The following ZNF718 variants were observed in gnomAD, a reference collection of about 807,000 sequenced individuals.
ZNF718 encodes zinc finger protein 718.
A neutral mutation model predicts 2.6 loss-of-function variants in ZNF718; 3 were observed. The ratio of observed to expected loss-of-function variants is 1.16; its 90% CI spans 0.53 to 3.01. The LOEUF is 3.01. ZNF718 is among the 30% of genes most tolerant of loss of function. ZNF718 has a pLI of 0.03. For missense variants in ZNF718, 468 were observed against 230.0 expected, an observed-to-expected ratio of 2.03 and a Z score of -6.69; for synonymous variants, 135 against 77.9, an observed-to-expected ratio of 1.73 and a Z score of -3.86.
At chr4:199,349 C>T (rs111465660) in intron 3 of ZNF718, among the ~76,000 whole-genome samples, 200 of 152,346 alleles carry the variant, frequency 1.3e-3, no homozygotes, top group African/African-American at 4.4e-3. Context: ...ATCTGTGCAG[C>T]ATGTGAATGA....
At chr4:201,650 A>G in exon 5 of ZNF718, 1 of 178,328 alleles carries the variant, frequency 5.6e-6, no homozygotes, top group East Asian at 1.3e-4. Context: ...AGCAACATTG[A>G]ATGCTTTATC....
chr4:161,486 C>G lies in ZNF718; in HGVS notation c.801C>G (p.Ser267=). 1.3e-6 allele frequency: 1 copy of G among 776,636 alleles called. No individual in the cohort carries two copies. The allele number at this position is 776,636 out of a possible 1,614,324, so 48.1% of individuals were successfully genotyped here. Residue 267 remains serine, a synonymous_variant, in exon 4 of 4, where the codon TCC becomes TCG. Transcript: ENST00000510175. ...CEKCGKAFNQ[S]STLNLHKRIH... ...AATGTGGTAAAGCTTTTAACCAATC[C>G]TCAACCCTTAATTTACATAAGAGAA...
intron 3 of ZNF718, among the ~76,000 whole-genome samples, chr4:186,673 A>T (rs1259322231): frequency 6.6e-6 from 1 of 151,960 alleles, no homozygotes; most frequent in Non-Finnish European, 1.5e-5. Flanking sequence ...AAGCTCTGTG[A>T]TGTTTTTCCT....
intron 3 of ZNF718, among the ~76,000 whole-genome samples, chr4:133,895 CAGGT>C (rs1464142074): frequency 1.3e-5 from 2 of 152,208 alleles, no homozygotes; most frequent in Admixed American, 1.3e-4. Flanking sequence ...TCTATTACCT[CAGGT>C]AGATAACCAG....
At chr4:142,290 A>C (rs782495925) in intron 3 of ZNF718, among the ~76,000 whole-genome samples, 1 of 152,232 alleles carries the variant, frequency 6.6e-6, no homozygotes, top group Non-Finnish European at 1.5e-5. Context: ...ACAAACATTA[A>C]AAGTAGAAAA....
In ZNF718 at chr4:130,806, G is replaced by T; in HGVS notation, c.22G>T (p.Asp8Tyr). The T allele has an allele frequency of 2.6e-6, 1 of 390,796 alleles. No individual in the cohort carries two copies. Among genetic ancestry groups the T allele is most frequent in the South Asian group, 3.9e-5 (1 of 25,972 alleles). 24.2% of individuals were successfully genotyped at this position (390,796 alleles called of 1,614,324 possible). ...TTTTCAGGAACTCTTAACATTCAAG[G>T]ATGTGGCCATAGAATTCTCTCCAGA... MELLTFK[D>Y]VAIEFSPEEW... The change falls in exon 2 of 4, where the codon GAT (aspartate) becomes TAT (tyrosine). Residue 8 changes from aspartate (D) to tyrosine (Y), a missense_variant. Coordinates refer to ENST00000510175, the MANE Select transcript of ZNF718 (RefSeq NM_001039127.6).
intron 3 of ZNF718, among the ~76,000 whole-genome samples, chr4:154,427 A>G (rs1373121430): frequency 1.3e-5 from 2 of 152,076 alleles, no homozygotes; most frequent in Non-Finnish European, 2.9e-5. Context: ...CTTCCTGGAG[A>G]TGTGTTGTAT....
chr4:163,975 TATTC>T lies in ZNF718; in HGVS notation c.*1856_*1859del, dbSNP rs1717023230. 1 of 152,080 alleles carries T rather than the reference TATTC, an allele frequency of 6.6e-6. No homozygotes were observed. The highest frequency in any genetic ancestry group is 2.1e-4 in the South Asian group (1 of 4,832). The allele number at this position is 152,080 out of a possible 1,614,324, so 9.4% of individuals were successfully genotyped here. On this transcript the variant is annotated 3_prime_UTR_variant, in exon 4 of 4. Coordinates refer to ENST00000510175, the MANE Select transcript of ZNF718 (RefSeq NM_001039127.6). The stretch of plus-strand genomic sequence containing the variant: ...TGTAATCACATCAGAGTAAATGAGT[TATTC>T]ATCACCTCAAGCATTTATCCTTTGT...
chr4:195,446 G>T (rs1717772713), intron 3 of ZNF718, among the ~76,000 whole-genome samples: 1 of 152,192 alleles, frequency 6.6e-6, no homozygotes, highest in Non-Finnish European at 1.5e-5. Flanking sequence ...TCGGACCTTT[G>T]TATGGTAATT....
chr4:159,314 G>C (rs1553814430), intron 3 of ZNF718, among the ~76,000 whole-genome samples: 6 of 152,004 alleles, frequency 3.9e-5, no homozygotes, highest in Non-Finnish European at 1.5e-5. Context: ...GGGATTACAG[G>C]TCTGAGCCAC....
intron 3 of ZNF718, among the ~76,000 whole-genome samples, chr4:180,588 A>G (rs568278965): frequency 7.9e-5 from 12 of 152,358 alleles, no homozygotes; most frequent in Non-Finnish European, 1.8e-4. Context: ...GTATTCATTC[A>G]TTTACCAAGA....
Position 130,829 on chromosome 4 carries a change from A to G in ZNF718, c.45A>G (p.Pro15=). Residue 15 remains proline (P), a synonymous_variant, in exon 2 of 4, where the codon CCA becomes CCG. Coordinates refer to ENST00000510175, the MANE Select transcript of ZNF718 (RefSeq NM_001039127.6). The part of the protein sequence containing the change: ...TFKDVAIEFS[P]EEWKCLDTSQ... ...AGGATGTGGCCATAGAATTCTCTCC[A>G]GAAGAGTGGAAATGTCTGGACACTT... 2 of 395,554 alleles carry G rather than the reference A, an allele frequency of 5.1e-6. 1 individual carries two copies. The highest frequency in any genetic ancestry group is 9.0e-6 in the Non-Finnish European group (2 of 222,760). The allele number at this position is 395,554 out of a possible 1,614,324, so 24.5% of individuals were successfully genotyped here.
At chr4:155,931 G>A (rs1216385747) in intron 3 of ZNF718, among the ~76,000 whole-genome samples, 1 of 152,108 alleles carries the variant, frequency 6.6e-6, no homozygotes, top group African/African-American at 2.4e-5. Context: ...TTGAATCAGG[G>A]CAGTGGTTTT....
chr4:126,829 C>CTT (rs568758270), intron 1 of ZNF718, among the ~76,000 whole-genome samples: 48 of 141,672 alleles, frequency 3.4e-4, no homozygotes, highest in Admixed American at 9.8e-4. Context: ...TAATTTTTCT[C>CTT]TTTTTTTTTT....
intron 3 of ZNF718, among the ~76,000 whole-genome samples, chr4:158,878 A>T (rs1413115948): frequency 8.0e-6 from 1 of 125,464 alleles, no homozygotes. Flanking sequence ...TCAGTGAAAG[A>T]TACTTTCTTT....
At chr4:193,848 A>G (rs1717740705) in intron 3 of ZNF718, among the ~76,000 whole-genome samples, 1 of 152,190 alleles carries the variant, frequency 6.6e-6, no homozygotes, top group African/African-American at 2.4e-5. Flanking sequence ...GAGAACCTTC[A>G]TCCCCTGGGG....
At chr4:198,177 A>C (rs578130427) in intron 3 of ZNF718, among the ~76,000 whole-genome samples, 10 of 152,142 alleles carry the variant, frequency 6.6e-5, no homozygotes, top group African/African-American at 2.4e-4. Flanking sequence ...GAAACGTGCT[A>C]AGAGCCAGCA....
chr4:182,511 G>A (rs1230034033), intron 3 of ZNF718, among the ~76,000 whole-genome samples: 2 of 151,940 alleles, frequency 1.3e-5, no homozygotes, highest in Non-Finnish European at 2.9e-5. Flanking sequence ...TCGGTTTACT[G>A]CAACCTCCAC....
At chr4:135,395 A>C (rs1410466603) in intron 3 of ZNF718, among the ~76,000 whole-genome samples, 1 of 152,090 alleles carries the variant, frequency 6.6e-6, no homozygotes, top group Non-Finnish European at 1.5e-5. Context: ...AATATGTGTA[A>C]GATGTACATT....
Sources: allele counts gnomAD v4.1 joint callset (sites outside exome capture counted in the v4.1 genomes callset), GRCh38; gene constraint gnomAD v4.1.1; transcripts MANE v1.5; gene names NCBI Gene and HGNC (gene_info 2026-07-23, HGNC 2026-07-21).